Variants in CSMD1 observed in about 807,000 individuals in gnomAD.
CSMD1 encodes the protein CUB and sushi domain-containing protein 1.
Under a neutral mutation model 417.5 loss-of-function variants are expected in CSMD1, and 213 were observed. The observed-to-expected ratio is 0.51, with a 90% CI of 0.46 to 0.57. CSMD1 has a LOEUF of 0.57. Among genes scored for constraint, CSMD1 ranks in the 20% least tolerant of loss-of-function variants. CSMD1 has a pLI of 0.00. For synonymous variants in CSMD1, 2,862 were observed against 1,736.8 expected (o/e 1.65, Z -16.11); for missense variants, 6,923 against 4,529.7 (o/e 1.53, Z -15.17).
chr8:4,372,572 G>C (rs150605101), intron 3 of CSMD1, among the ~76,000 whole-genome samples: 1 of 151,496 alleles, frequency 6.6e-6, no homozygotes, highest in Non-Finnish European at 1.5e-5. Context: ...GCTGTTTCTA[G>C]GTTTGAGGTA....
Position 2,940,079 on chromosome 8 carries a change from G to A in CSMD1, c.10536-1335C>T, listed in dbSNP as rs143792604. Reference sequence around the variant, plus strand: ...CAGACTCAGAAATGAGCAGAAACAGGGTTTTTCTGGAGGAATGCAGAGCCA... The same window carrying A: ...CAGACTCAGAAATGAGCAGAAACAGAGTTTTTCTGGAGGAATGCAGAGCCA... On this transcript the variant is annotated intron_variant, in intron 69 of 69. Transcript: ENST00000635120. Among the ~76,000 whole-genome samples, 287 of 152,218 alleles carry A rather than the reference G, an allele frequency of 1.9e-3. 1 individual carries two copies. Among genetic ancestry groups the A allele is most frequent in the African/African-American group, 6.2e-3 (256 of 41,532 alleles).
At chr8:3,978,977 G>C (rs968872300) in intron 5 of CSMD1, among the ~76,000 whole-genome samples, 3 of 152,204 alleles carry the variant, frequency 2.0e-5, no homozygotes, top group Non-Finnish European at 4.4e-5. Flanking sequence ...CCTCCTAGAA[G>C]CTTGCATTTT....
At chr8:4,238,719 T>C (rs1039900935) in intron 3 of CSMD1, among the ~76,000 whole-genome samples, 2 of 152,216 alleles carry the variant, frequency 1.3e-5, no homozygotes, top group African/African-American at 2.4e-5. Flanking sequence ...GGCAGGTCAA[T>C]ATTATCCTTC....
chr8:3,162,063 G>A, intron 38 of CSMD1, 96 bp downstream of exon 38: 2 of 762,834 alleles, frequency 2.6e-6, no homozygotes, highest in South Asian at 1.6e-5. Context: ...AACTGAGTGA[G>A]GAAAACATGG....
At chr8:4,748,336 G>A (rs1403688999) in intron 1 of CSMD1, among the ~76,000 whole-genome samples, 2 of 152,240 alleles carry the variant, frequency 1.3e-5, no homozygotes, top group East Asian at 1.9e-4. Context: ...GGAAATGTGT[G>A]CATATGGAAA....
At chr8:3,865,997 A>C (rs1805073945) in intron 5 of CSMD1, among the ~76,000 whole-genome samples, 1 of 152,208 alleles carries the variant, frequency 6.6e-6, no homozygotes, top group Non-Finnish European at 1.5e-5. Flanking sequence ...CATCATCTGT[A>C]GTCATGTTAG....
chr8:3,274,841 T>A (rs958084497), intron 26 of CSMD1, among the ~76,000 whole-genome samples: 4 of 152,190 alleles, frequency 2.6e-5, no homozygotes, highest in Non-Finnish European at 4.4e-5. Context: ...TGAGATGTGT[T>A]TCCTGAATAG....
At chr8:4,770,213 A>G (rs2117141210) in intron 1 of CSMD1, among the ~76,000 whole-genome samples, 1 of 148,806 alleles carries the variant, frequency 6.7e-6, no homozygotes, top group East Asian at 1.9e-4. Flanking sequence ...AAATTACTGT[A>G]TATATATATT....
At position 3,396,401 on chromosome 8, in the gene CSMD1, A is replaced by G. The variant is rs780071844; in HGVS notation, c.2406-20T>C. On this transcript the variant is annotated intron_variant, in intron 16 of 69. Coordinates refer to ENST00000635120, the MANE Select transcript of CSMD1 (RefSeq NM_033225.6). The stretch of plus-strand genomic sequence containing the variant: ...TGAAATCTGCAAATATATACATCCC[A>G]TCAGAAAAGACATGCAGAACTGCCA... 7 of 1,518,494 alleles carry G rather than the reference A, an allele frequency of 4.6e-6. No individual in the cohort carries two copies. The African/African-American group carries it at 9.7e-5, about 21-fold the overall frequency. 94.1% of individuals were successfully genotyped at this position (1,518,494 alleles called of 1,614,324 possible). A position where few individuals can be genotyped will look rare whatever the true frequency, so the allele number is the denominator to read the frequency against.
intron 3 of CSMD1, among the ~76,000 whole-genome samples, chr8:4,215,097 C>A (rs1026377065): frequency 5.3e-5 from 8 of 152,220 alleles, no homozygotes; most frequent in Admixed American, 4.6e-4. Context: ...GCTTCTATTC[C>A]GGACAAGTGA....
intron 1 of CSMD1, among the ~76,000 whole-genome samples, chr8:4,986,645 A>G (rs1811193171): frequency 6.6e-6 from 1 of 152,160 alleles, no homozygotes; most frequent in Non-Finnish European, 1.5e-5. Context: ...AAAGAGCATA[A>G]TTATCCCCTG....
At chr8:3,120,387 A>G (rs2045640) in intron 41 of CSMD1, among the ~76,000 whole-genome samples, 59,462 of 152,130 alleles carry the variant, frequency 0.39, 16,495 homozygotes, top group African/African-American at 0.79. Context: ...ATGTGGGCCT[A>G]CAGCGTGGCC....
intron 1 of CSMD1, among the ~76,000 whole-genome samples, chr8:4,644,620 G>T (rs1218211340): frequency 6.6e-6 from 1 of 152,148 alleles, no homozygotes. Context: ...TGTTGCCCAG[G>T]CTGGGCAGGA....
intron 1 of CSMD1, among the ~76,000 whole-genome samples, chr8:4,816,653 A>G (rs1165788198): frequency 1.3e-5 from 2 of 152,164 alleles, no homozygotes; most frequent in African/African-American, 4.8e-5. Context: ...TGGCTCTACA[A>G]TTCCCACTGG....
At chr8:4,009,601 A>G (rs1048649639) in intron 4 of CSMD1, among the ~76,000 whole-genome samples, 6 of 152,204 alleles carry the variant, frequency 3.9e-5, no homozygotes, top group African/African-American at 9.7e-5. Context: ...AATTTTTACA[A>G]TTGCATGGGG....
chr8:4,150,132 G>A (rs539504883), intron 3 of CSMD1, among the ~76,000 whole-genome samples: 1 of 152,166 alleles, frequency 6.6e-6, no homozygotes, highest in Non-Finnish European at 1.5e-5. Flanking sequence ...TGTATTTTAA[G>A]GAATAAACTG....
chr8:3,983,135 C>CTTTTTTTTTTTTTTT (rs201667296), intron 5 of CSMD1, among the ~76,000 whole-genome samples: 13 of 133,512 alleles, frequency 9.7e-5, no homozygotes, highest in African/African-American at 3.2e-4. Context: ...ATCTTTCTTT[C>CTTTTTTTTTTTTTTT]TTTTTTTTTT....
intron 3 of CSMD1, among the ~76,000 whole-genome samples, chr8:4,170,098 T>G (rs1170243206): frequency 6.6e-6 from 1 of 151,832 alleles, no homozygotes; most frequent in African/African-American, 2.4e-5. Context: ...TAAAAATATG[T>G]ATCCCTAACC....
chr8:3,649,921 G>A (rs1366947114), intron 7 of CSMD1, among the ~76,000 whole-genome samples: 1 of 150,664 alleles, frequency 6.6e-6, no homozygotes, highest in Non-Finnish European at 1.5e-5. Context: ...CATGGTATAT[G>A]TAACTTAAAA....
Sources: allele counts gnomAD v4.1 joint callset (sites outside exome capture counted in the v4.1 genomes callset), GRCh38; gene constraint gnomAD v4.1.1; transcripts MANE v1.5; gene names NCBI Gene and HGNC (gene_info 2026-07-23, HGNC 2026-07-21).